The following MSN variants were observed in gnomAD, a reference collection of about 807,000 sequenced individuals.
The protein encoded by MSN is epididymis luminal protein 70.
MSN carries 2 observed loss-of-function variants against 48.0 expected under a neutral mutation model. That is an observed-to-expected ratio of 0.04 (90% CI 0.02 to 0.13). The LOEUF is 0.13. MSN is among the 10% of genes least tolerant of loss of function. The pLI is 1.00. For synonymous variants in MSN, 146 were observed against 166.9 expected (o/e 0.87, Z 0.97); for missense variants, 267 against 470.1 (o/e 0.57, Z 3.99).
rs199778366 is a variant in MSN at position 65,611,158 on chromosome X, T to TA, written c.-22+22546_-22+22547insA. Among the ~76,000 whole-genome samples the TA allele has an allele frequency of 8.8e-3, 844 of 96,389 alleles. 14 individuals are homozygous for TA. Among genetic ancestry groups the TA allele is most frequent in the African/African-American group, 0.043 (792 of 18,456 alleles). The allele number at this position is 96,389 out of a possible 115,157, so 83.7% of individuals were successfully genotyped here. A position where few individuals can be genotyped will look rare whatever the true frequency, so the allele number is the denominator to read the frequency against. On this transcript the variant is annotated intron_variant, in intron 1 of 3. Coordinates refer to the MSN transcript ENST00000609672. ...CTTCCATCCTTCCTTTCTTTCTTTCTTTCTTTCTATTTTTTTTTTTTTTTG... is the reference window on the plus strand; with the variant it reads ...CTTCCATCCTTCCTTTCTTTCTTTCTATTCTTTCTATTTTTTTTTTTTTTTG...
At chrX:65,628,547 CT>C (rs1421450402) in intron 1 of MSN, among the ~76,000 whole-genome samples, 1 of 111,582 alleles carries the variant, frequency 9.0e-6, no homozygotes, top group African/African-American at 3.3e-5. Context: ...CCACTTTTTC[CT>C]CCTCGGCCTT....
At chrX:65,602,305 G>A (rs766593091) in intron 1 of MSN, among the ~76,000 whole-genome samples, 1 of 111,380 alleles carries the variant, frequency 9.0e-6, no homozygotes, top group East Asian at 2.8e-4. Context: ...AGTAACAGTA[G>A]GATGTCCTCC....
chrX:65,653,559 C>G (rs1342648873), intron 1 of MSN, among the ~76,000 whole-genome samples: 1 of 109,986 alleles, frequency 9.1e-6, no homozygotes, highest in Non-Finnish European at 1.9e-5. Context: ...ATTAGGCTGA[C>G]TTGGAAATAC....
intron 1 of MSN, among the ~76,000 whole-genome samples, chrX:65,630,988 T>C (rs757101643): frequency 1.8e-5 from 2 of 111,806 alleles, no homozygotes; most frequent in South Asian, 3.7e-4. Flanking sequence ...AACCAGGATA[T>C]TGACATCGAT....
intron 8 of MSN, among the ~76,000 whole-genome samples, chrX:65,736,097 T>C (rs905557710): frequency 1.8e-5 from 2 of 112,119 alleles, no homozygotes; most frequent in African/African-American, 6.5e-5. Context: ...GCACTAGCCG[T>C]AGAGATTACT....
chrX:65,620,817 G>T (rs1602726459), intron 1 of MSN, among the ~76,000 whole-genome samples: 1 of 104,685 alleles, frequency 9.6e-6, no homozygotes, highest in Non-Finnish European at 2.0e-5. Flanking sequence ...TGTTACTTTT[G>T]GTTTCCTTTC....
intron 1 of MSN, among the ~76,000 whole-genome samples, chrX:65,709,842 C>A (rs745624004): frequency 1.3e-4 from 15 of 111,794 alleles, no homozygotes; most frequent in East Asian, 8.4e-4. Context: ...ATCCCACCCC[C>A]CCTTAGTTTC....
chrX:65,623,390 GTA>G (rs1187735191), intron 1 of MSN, among the ~76,000 whole-genome samples: 1 of 57,682 alleles, frequency 1.7e-5, no homozygotes, highest in Non-Finnish European at 3.3e-5. Flanking sequence ...TTTTTACATT[GTA>G]TGTCTTCATC....
In MSN at chrX:65,622,083, C is replaced by T. The variant is rs1468055485; in HGVS notation, c.-22+33471C>T. On this transcript the variant is annotated intron_variant, in intron 1 of 3. Coordinates refer to the MSN transcript ENST00000609672. ...TCTGTGAATAGAGGTAGTTTTATTT[C>T]TTCTTTTCTTTTCTTTTTTTTTTTT... 3.9e-5 allele frequency among the ~76,000 whole-genome samples: 4 copies of T among 101,506 alleles called. No individual in the cohort carries two copies. The South Asian group carries it at 1.2e-3, about 31-fold the overall frequency. 88.1% of individuals were successfully genotyped at this position (101,506 alleles called of 115,157 possible).
chrX:65,717,437 G>A (rs1474846350), intron 2 of MSN, among the ~76,000 whole-genome samples: 1 of 111,890 alleles, frequency 8.9e-6, no homozygotes, highest in Non-Finnish European at 1.9e-5. Flanking sequence ...AGGACAACAT[G>A]GGAGTTGATG....
At position 65,589,796 on chromosome X, in the gene MSN, C is replaced by T. The variant is rs748539482; in HGVS notation, c.-22+1184C>T. 82 of 112,230 alleles carry T rather than the reference C, an allele frequency of 7.3e-4. 1 individual carries two copies. Among genetic ancestry groups the T allele is most frequent in the Middle Eastern group, 4.6e-3 (1 of 217 alleles). The allele number at this position is 112,230 out of a possible 1,213,427, so 9.2% of individuals were successfully genotyped here. On this transcript the variant is annotated intron_variant, in intron 1 of 3. Coordinates refer to the MSN transcript ENST00000609672. ...TACCCGCCTCTACAAGCCGACTGAG[C>T]CATCCCCACCTGGCACCCCAGCTGC...
chrX:65,589,316 T>C (rs905748469), intron 1 of MSN, among the ~76,000 whole-genome samples: 2 of 110,094 alleles, frequency 1.8e-5, no homozygotes, highest in African/African-American at 6.6e-5. Flanking sequence ...TTCCCTGCTG[T>C]ATACCGTGGC....
chrX:65,733,314 C>T, intron 7 of MSN, 34 bp downstream of exon 7: 1 of 1,056,668 alleles, frequency 9.5e-7, no homozygotes, highest in East Asian at 3.0e-5. Flanking sequence ...AAGACAGGTA[C>T]TTGCCAAGGC....
rs763730317 is a variant in MSN at position 65,675,642 on chromosome X, AT to A, written c.12+7802del. Among the ~76,000 whole-genome samples the A allele has an allele frequency of 4.6e-3, 479 of 104,553 alleles. 1 individual carries two copies. Among genetic ancestry groups the A allele is most frequent in the Non-Finnish European group, 7.2e-3 (362 of 50,553 alleles). The allele number at this position is 104,553 out of a possible 115,157, so 90.8% of individuals were successfully genotyped here. A position where few individuals can be genotyped will look rare whatever the true frequency, so the allele number is the denominator to read the frequency against. ...TGGTTTTCCAGAATTGGGCAAATTA[AT>A]TTTTTTTTTTTTGAGATGGAGTCTA... On this transcript the variant is annotated intron_variant, in intron 1 of 12. Coordinates refer to ENST00000360270, the MANE Select transcript of MSN (RefSeq NM_002444.3).
At chrX:65,647,843 C>T (rs1221374400) in intron 1 of MSN, among the ~76,000 whole-genome samples, 1 of 111,958 alleles carries the variant, frequency 8.9e-6, no homozygotes, top group African/African-American at 3.2e-5. Context: ...GCCATGACAA[C>T]GATTCTTTTC....
At chrX:65,725,010 T>C (rs2147507391) in intron 2 of MSN, among the ~76,000 whole-genome samples, 1 of 112,090 alleles carries the variant, frequency 8.9e-6, no homozygotes, top group South Asian at 3.7e-4. Context: ...TATAATAAAA[T>C]ACCTGGAGCT....
intron 1 of MSN, among the ~76,000 whole-genome samples, chrX:65,695,224 G>A (rs1421490585): frequency 1.8e-5 from 2 of 110,498 alleles, no homozygotes; most frequent in East Asian, 5.7e-4. Flanking sequence ...TGTCGGGCCG[G>A]GCGTGTTGGC....
rs992565377 is a variant in MSN, at chrX:65,737,204, C to T, written c.1117C>T (p.Leu373=). The T allele has an allele frequency of 8.3e-7, 1 of 1,207,178 alleles. No individual in the cohort carries two copies. Among genetic ancestry groups the T allele is most frequent in the Non-Finnish European group, 1.1e-6 (1 of 893,305 alleles). The change falls in exon 10 of 13, where the codon CTG becomes TTG. Residue 373 remains leucine (L), a synonymous_variant. Coordinates refer to ENST00000360270, the MANE Select transcript of MSN (RefSeq NM_002444.3). ...QELEEQTRRA[L]ELEQERKRAQ... Reference sequence around the variant, plus strand: ...ACTGGAAGAACAGACCCGTAGGGCTCTGGAACTTGAGCAGGAACGGAAGCG... The same window carrying T: ...ACTGGAAGAACAGACCCGTAGGGCTTTGGAACTTGAGCAGGAACGGAAGCG...
At chrX:65,601,565 C>T (rs185800693) in intron 1 of MSN, among the ~76,000 whole-genome samples, 140 of 112,745 alleles carry the variant, frequency 1.2e-3, no homozygotes, top group Admixed American at 8.6e-3. Flanking sequence ...AGAAAGGCCA[C>T]GGTGGCTGGC....
Sources: allele counts gnomAD v4.1 joint callset (sites outside exome capture counted in the v4.1 genomes callset), GRCh38; gene constraint gnomAD v4.1.1; transcripts MANE v1.5; gene names NCBI Gene and HGNC (gene_info 2026-07-23, HGNC 2026-07-21).